Variants in SYNDIG1L observed in about 807,000 individuals in gnomAD.
SYNDIG1L encodes synapse differentiation inducing 1 like.
A neutral mutation model predicts 20.1 loss-of-function variants in SYNDIG1L; 13 were observed. That is an observed-to-expected ratio of 0.65 (90% CI 0.42 to 1.03). The LOEUF is 1.03. SYNDIG1L is among the 50% of genes least tolerant of loss of function. The pLI, the probability that SYNDIG1L is intolerant of heterozygous loss-of-function variation, is 0.00. For synonymous variants in SYNDIG1L, 128 were observed against 129.3 expected (o/e 0.99, Z 0.07); for missense variants, 294 against 305.1 (o/e 0.96, Z 0.27).
chr14:74,469,709 A>C, the SYNDIG1L span, among the ~76,000 whole-genome samples: 1 of 152,334 alleles, frequency 6.6e-6, no homozygotes, highest in African/African-American at 2.4e-5. Context: ...TTATGCTCAC[A>C]GACTGAGCTC....
the SYNDIG1L span, among the ~76,000 whole-genome samples, chr14:74,472,827 T>C: frequency 6.5e-3 from 990 of 152,006 alleles, 11 homozygotes; most frequent in African/African-American, 0.023. Flanking sequence ...AGGAAGGAAG[T>C]ACAGCCAATT....
the SYNDIG1L span, among the ~76,000 whole-genome samples, chr14:74,470,548 G>T: frequency 6.6e-6 from 1 of 152,234 alleles, no homozygotes; most frequent in Non-Finnish European, 1.5e-5. Flanking sequence ...AAGCTGGAAG[G>T]ATTTGCTCAG....
the SYNDIG1L span, among the ~76,000 whole-genome samples, chr14:74,432,920 C>T: frequency 6.6e-6 from 1 of 151,848 alleles, no homozygotes; most frequent in Non-Finnish European, 1.5e-5. Flanking sequence ...TGCCATGTGC[C>T]AGGAACTGTG....
the SYNDIG1L span, among the ~76,000 whole-genome samples, chr14:74,460,620 A>ACCC: frequency 6.6e-6 from 1 of 151,602 alleles, no homozygotes; most frequent in Non-Finnish European, 1.5e-5. Context: ...TTTCCCTTCC[A>ACCC]TCCTGGGCCA....
At chr14:74,429,206 C>T (rs1052900553), upstream of SYNDIG1L, among the ~76,000 whole-genome samples, 6 of 152,308 alleles carry the variant, frequency 3.9e-5, no homozygotes, top group South Asian at 6.2e-4. Context: ...AGCAAGCATC[C>T]TCGCTGGGAC....
At chr14:74,463,829 C>T in the SYNDIG1L span, among the ~76,000 whole-genome samples, 1 of 152,124 alleles carries the variant, frequency 6.6e-6, no homozygotes, top group Admixed American at 6.5e-5. Context: ...GCATTAAATG[C>T]CAGAAATTAG....
the SYNDIG1L span, among the ~76,000 whole-genome samples, chr14:74,471,047 A>G: frequency 6.6e-6 from 1 of 152,336 alleles, no homozygotes; most frequent in African/African-American, 2.4e-5. Context: ...AGATAAACAC[A>G]GATAACAATG....
At chr14:74,422,653 T>TCACACACACACACACACACA (rs34711949) in intron 1 of SYNDIG1L, among the ~76,000 whole-genome samples, 1,881 of 140,408 alleles carry the variant, frequency 0.013, 27 homozygotes, top group East Asian at 0.038. Flanking sequence ...ATCTCTCTCT[T>TCACACACACACACACACACA]CACACACACA....
At chr14:74,412,312 G>A (rs2086137820) in intron 1 of SYNDIG1L, among the ~76,000 whole-genome samples, 1 of 152,186 alleles carries the variant, frequency 6.6e-6, no homozygotes, top group South Asian at 2.1e-4. Context: ...CCCCTGCCAT[G>A]GTCTCCCTTC....
chr14:74,455,734 C>T, the SYNDIG1L span, among the ~76,000 whole-genome samples: 4 of 152,138 alleles, frequency 2.6e-5, no homozygotes, highest in African/African-American at 7.2e-5. Context: ...TTACCCAATC[C>T]GACCTGGCTT....
chr14:74,451,517 A>T, the SYNDIG1L span, among the ~76,000 whole-genome samples: 44 of 152,372 alleles, frequency 2.9e-4, no homozygotes, highest in South Asian at 3.5e-3. Context: ...TGCTAGGCAA[A>T]GATTTCTCAG....
chr14:74,470,807 G>C, the SYNDIG1L span, among the ~76,000 whole-genome samples: 1 of 152,254 alleles, frequency 6.6e-6, no homozygotes. Flanking sequence ...GTCTTCCTCA[G>C]ACGTCAGCTT....
intron 1 of SYNDIG1L, among the ~76,000 whole-genome samples, chr14:74,423,051 C>T (rs1374512682): frequency 2.0e-5 from 3 of 152,000 alleles, no homozygotes; most frequent in East Asian, 1.9e-4. Flanking sequence ...TCTCAGCAGC[C>T]CCCCCGCCCC....
the SYNDIG1L span, among the ~76,000 whole-genome samples, chr14:74,431,571 T>C: frequency 6.6e-6 from 1 of 152,162 alleles, no homozygotes; most frequent in Non-Finnish European, 1.5e-5. Context: ...TAAATTAATA[T>C]ACTAGATTCA....
the SYNDIG1L span, among the ~76,000 whole-genome samples, chr14:74,469,905 A>G: frequency 9.2e-4 from 140 of 152,322 alleles, 4 homozygotes; most frequent in South Asian, 0.028. Context: ...ATTTACAGAA[A>G]TAAACAGGAT....
At position 74,407,424 on chromosome 14, in the gene SYNDIG1L, A is replaced by G; in HGVS notation, c.*111T>C. 1 of 1,469,386 alleles carries G rather than the reference A, an allele frequency of 6.8e-7. No individual in the cohort carries two copies. The highest frequency in any genetic ancestry group is 9.3e-7 in the Non-Finnish European group (1 of 1,080,256). The allele number at this position is 1,469,386 out of a possible 1,614,324, so 91.0% of individuals were successfully genotyped here. Reference sequence around the variant, plus strand: ...ATGGGGGTCTCCCCCTCAGCAAGCCACTCTCACGGGATCATCTTCAGGGGC... The same window carrying G: ...ATGGGGGTCTCCCCCTCAGCAAGCCGCTCTCACGGGATCATCTTCAGGGGC... On this transcript the variant is annotated 3_prime_UTR_variant, in exon 4 of 4. Coordinates refer to ENST00000331628, the MANE Select transcript of SYNDIG1L (RefSeq NM_001105579.2).
At chr14:74,452,190 C>T in the SYNDIG1L span, among the ~76,000 whole-genome samples, 1 of 152,070 alleles carries the variant, frequency 6.6e-6, no homozygotes, top group Non-Finnish European at 1.5e-5. Flanking sequence ...CACTATATTG[C>T]TCCTAAAATT....
At chr14:74,448,946 T>G in the SYNDIG1L span, among the ~76,000 whole-genome samples, 1 of 151,958 alleles carries the variant, frequency 6.6e-6, no homozygotes, top group Non-Finnish European at 1.5e-5. Context: ...ATAGGAAAAT[T>G]AGGGCTAGGT....
intron 1 of SYNDIG1L, among the ~76,000 whole-genome samples, chr14:74,417,830 T>C (rs1296870880): frequency 6.6e-6 from 1 of 152,024 alleles, no homozygotes; most frequent in African/African-American, 2.4e-5. Flanking sequence ...GTGACAGGAA[T>C]GAGAAATGGG....
Sources: gnomAD v4.1 joint callset for allele counts (sites outside exome capture counted in the v4.1 genomes callset) on GRCh38, gnomAD v4.1.1 for gene constraint, MANE v1.5 for transcripts, NCBI Gene and HGNC (gene_info 2026-07-23, HGNC 2026-07-21) for gene names.